LARS2: variants seen among roughly 807,000 people sequenced by gnomAD.
The protein encoded by LARS2 is leucyl-tRNA synthetase 2, mitochondrial.
Under a neutral mutation model 116.6 loss-of-function variants are expected in LARS2, and 81 were observed. The observed-to-expected ratio is 0.69, with a 90% CI of 0.58 to 0.84. LARS2 has a LOEUF of 0.84. Ranked by LOEUF, LARS2 falls within the 40% of genes least tolerant of loss-of-function variation. LARS2 has a pLI of 0.00. For synonymous variants in LARS2, 396 were observed against 407.2 expected (o/e 0.97, Z 0.33); for missense variants, 968 against 1,114.5 (o/e 0.87, Z 1.87).
chr3:45,398,876 T>C (rs1327418202), intron 3 of LARS2, among the ~76,000 whole-genome samples: 1 of 152,130 alleles, frequency 6.6e-6, no homozygotes, highest in Non-Finnish European at 1.5e-5. Context: ...CCATGAACAG[T>C]AGGTCCCCCC....
intron 7 of LARS2, among the ~76,000 whole-genome samples, chr3:45,450,143 A>G (rs1451135784): frequency 6.6e-6 from 1 of 152,178 alleles, no homozygotes; most frequent in Non-Finnish European, 1.5e-5. Flanking sequence ...AGTTGTACAT[A>G]CTTTACATGT....
chr3:45,498,306 GGGT>G (rs1416305382), intron 14 of LARS2, among the ~76,000 whole-genome samples: 1 of 152,144 alleles, frequency 6.6e-6, no homozygotes. Flanking sequence ...GTTCTTCCTG[GGGT>G]GGTTTCCTGA....
At chr3:45,516,006 C>G (rs1315868791) in intron 16 of LARS2, 88 bp from the exon 17 acceptor site, 49 of 1,008,972 alleles carry the variant, frequency 4.9e-5, no homozygotes, top group Non-Finnish European at 7.3e-6. Flanking sequence ...CTTTCCATCG[C>G]TCACCCAGTT....
intron 20 of LARS2, among the ~76,000 whole-genome samples, chr3:45,529,550 CA>C (rs796789532): frequency 0.027 from 2,607 of 96,974 alleles, 27 homozygotes; most frequent in African/African-American, 0.06. Flanking sequence ...ACTCCATCTC[CA>C]AAAAAAAAAA....
At chr3:45,417,452 C>T in intron 4 of LARS2, 30 bp from the exon 5 acceptor site, 3 of 1,514,936 alleles carry the variant, frequency 2.0e-6, no homozygotes, top group Non-Finnish European at 2.8e-6. Context: ...AATGATTTGC[C>T]ATGGTTGATG....
rs531893638 is a variant in LARS2, at chr3:45,546,481, C to A, written c.2533-870C>A. 2.7e-4 allele frequency among the ~76,000 whole-genome samples: 41 copies of A among 152,280 alleles called. No individual in the cohort carries two copies. The South Asian group carries it at 7.0e-3, about 26-fold the overall frequency. On this transcript the variant is annotated intron_variant, in intron 21 of 21. Transcript: ENST00000645846. Reference sequence around the variant, plus strand: ...CTAATGCAGACAATAAAAATGCCACCAAGTTCTGCAAAACTGAAAAAATGA... The same window carrying A: ...CTAATGCAGACAATAAAAATGCCACAAAGTTCTGCAAAACTGAAAAAATGA...
intron 8 of LARS2, among the ~76,000 whole-genome samples, chr3:45,464,754 G>C (rs1396812546): frequency 6.6e-6 from 1 of 152,164 alleles, no homozygotes; most frequent in East Asian, 1.9e-4. Flanking sequence ...TGGCAGAAGA[G>C]GCAAAATGAC....
chr3:45,411,542 C>G (rs1698331604), intron 4 of LARS2, among the ~76,000 whole-genome samples: 2 of 152,216 alleles, frequency 1.3e-5, no homozygotes, highest in South Asian at 2.1e-4. Context: ...ATAACTTCAT[C>G]TTAAAGTTTT....
chr3:45,511,600 C>T (rs754786041), intron 15 of LARS2, among the ~76,000 whole-genome samples: 1 of 151,392 alleles, frequency 6.6e-6, no homozygotes, highest in Non-Finnish European at 1.5e-5. Flanking sequence ...TTATAAAAGA[C>T]GAGGCAAAAG....
intron 15 of LARS2, 26 bp from the exon 16 acceptor site, chr3:45,513,109 T>G: frequency 6.6e-7 from 1 of 1,507,096 alleles, no homozygotes; most frequent in Non-Finnish European, 9.2e-7. Context: ...CTCCTCCTGT[T>G]TTCTTTTCCT....
chr3:45,483,572 C>T (rs1337382826), intron 10 of LARS2, among the ~76,000 whole-genome samples: 1 of 152,128 alleles, frequency 6.6e-6, no homozygotes, highest in African/African-American at 2.4e-5. Flanking sequence ...TTGCTTGAAC[C>T]TGGGAGGCAG....
intron 20 of LARS2, among the ~76,000 whole-genome samples, chr3:45,540,339 G>T (rs1458427148): frequency 1.3e-5 from 2 of 152,162 alleles, no homozygotes; most frequent in African/African-American, 4.8e-5. Context: ...TTTCTGCAAG[G>T]AGTGTGTACA....
chr3:45,448,397 A>C (rs1699056387), intron 7 of LARS2, among the ~76,000 whole-genome samples: 1 of 152,098 alleles, frequency 6.6e-6, no homozygotes. Flanking sequence ...GTTTTTTTCC[A>C]GGTGGATCTC....
rs1180010440 is a variant in LARS2, at chr3:45,484,620, A to ATATATATATATATATAT, written c.1019-1072_1019-1071insTATATATATATATATAT. 7.8e-3 allele frequency among the ~76,000 whole-genome samples: 109 copies of ATATATATATATATATAT among 13,924 alleles called. 4 individuals are homozygous for ATATATATATATATATAT. Among genetic ancestry groups the ATATATATATATATATAT allele is most frequent in the Non-Finnish European group, 0.018 (69 of 3,916 alleles). 9.1% of individuals were successfully genotyped at this position (13,924 alleles called of 152,430 possible). ...TGTCTCTACAAAAAAAAAAAAAAAA[A>ATATATATATATATATAT]AAAAAAAAAAATATATATATATATA... On this transcript the variant is annotated intron_variant, in intron 10 of 21. Coordinates refer to ENST00000645846, the MANE Select transcript of LARS2 (RefSeq NM_015340.4).
Sources: gnomAD v4.1 joint callset for allele counts (sites outside exome capture counted in the v4.1 genomes callset) on GRCh38, gnomAD v4.1.1 for gene constraint, MANE v1.5 for transcripts, NCBI Gene and HGNC (gene_info 2026-07-23, HGNC 2026-07-21) for gene names.